SYNPR: variants seen among roughly 807,000 people sequenced by gnomAD.
SYNPR encodes the protein synaptoporin.
In SYNPR, 23 loss-of-function variants were observed where a neutral mutation model predicts 32.9. The observed-to-expected ratio is 0.70, with a 90% CI of 0.50 to 0.99. The LOEUF (loss-of-function observed/expected upper bound fraction) is 0.99. Ranked by LOEUF, SYNPR falls within the 50% of genes least tolerant of loss-of-function variation. The pLI, the probability that SYNPR is intolerant of heterozygous loss-of-function variation, is 0.00. For missense variants in SYNPR, 318 were observed against 349.3 expected (o/e 0.91, Z 0.71); for synonymous variants, 146 against 135.9 (o/e 1.07, Z -0.52).
At chr3:63,248,827 T>C (rs1209752207) in intron 1 of SYNPR, among the ~76,000 whole-genome samples, 1 of 152,178 alleles carries the variant, frequency 6.6e-6, no homozygotes, top group Non-Finnish European at 1.5e-5. Flanking sequence ...ATGGCTGCTA[T>C]CATGTGAGTA....
At chr3:63,363,004 C>CTG (rs2107037696) in intron 2 of SYNPR, among the ~76,000 whole-genome samples, 1 of 152,260 alleles carries the variant, frequency 6.6e-6, no homozygotes, top group East Asian at 1.9e-4. Flanking sequence ...GGAGACTGAA[C>CTG]TGTAGTAAGT....
intron 2 of SYNPR, among the ~76,000 whole-genome samples, chr3:63,253,972 G>T (rs1466459229): frequency 6.6e-6 from 1 of 152,162 alleles, no homozygotes; most frequent in Non-Finnish European, 1.5e-5. Context: ...ATACACCATG[G>T]AATACTATGA....
chr3:63,494,408 T>C (rs1295487427), intron 3 of SYNPR, among the ~76,000 whole-genome samples: 1 of 126,586 alleles, frequency 7.9e-6, no homozygotes, highest in Non-Finnish European at 1.6e-5. Flanking sequence ...TATATATATA[T>C]ATATATATAC....
chr3:63,579,642 T>C (rs1386838218), intron 4 of SYNPR, among the ~76,000 whole-genome samples: 7 of 152,138 alleles, frequency 4.6e-5, no homozygotes, highest in South Asian at 2.1e-4. Flanking sequence ...GCAAAGTGAA[T>C]GATCAATGAT....
intron 2 of SYNPR, among the ~76,000 whole-genome samples, chr3:63,475,874 G>T (rs1559510229): frequency 1.3e-5 from 2 of 151,928 alleles, no homozygotes; most frequent in African/African-American, 4.8e-5. Context: ...ACTTAGTTTT[G>T]CAGAACTGAG....
chr3:63,606,413 C>CTTACTTTTTTTTTTTTTT (rs1700120114), intron 4 of SYNPR, among the ~76,000 whole-genome samples: 1 of 63,458 alleles, frequency 1.6e-5, no homozygotes, highest in Non-Finnish European at 3.8e-5. Context: ...ACCTCAAATC[C>CTTACTTTTTTTTTTTTTT]TTTCTTTTTT....
chr3:63,562,330 T>C (rs1702705276), intron 4 of SYNPR, among the ~76,000 whole-genome samples: 1 of 152,196 alleles, frequency 6.6e-6, no homozygotes, highest in African/African-American at 2.4e-5. Context: ...GCTCTAAGAA[T>C]GAGTACATTA....
intron 2 of SYNPR, among the ~76,000 whole-genome samples, chr3:63,266,250 A>T (rs569315804): frequency 1.3e-5 from 2 of 150,052 alleles, no homozygotes; most frequent in Non-Finnish European, 3.0e-5. Context: ...TTCTTTTTCT[A>T]TTTTTTTTTT....
intron 1 of SYNPR, among the ~76,000 whole-genome samples, chr3:63,252,195 G>A (rs2086338683): frequency 6.6e-6 from 1 of 152,114 alleles, no homozygotes; most frequent in Non-Finnish European, 1.5e-5. Context: ...TGTTCTAAAT[G>A]TTTCAAGGAT....
chr3:63,545,802 T>C (rs1702392004), intron 3 of SYNPR, among the ~76,000 whole-genome samples: 1 of 152,104 alleles, frequency 6.6e-6, no homozygotes, highest in Non-Finnish European at 1.5e-5. Flanking sequence ...AAATAGCACG[T>C]TTTGACTGAA....
At chr3:63,431,747 G>GA (rs372434170) in intron 2 of SYNPR, among the ~76,000 whole-genome samples, 2,802 of 141,712 alleles carry the variant, frequency 0.02, 77 homozygotes, top group African/African-American at 0.065. Context: ...CAAACGAAAA[G>GA]AAAAAAAAAA....
chr3:63,315,747 T>C (rs1206342234), intron 2 of SYNPR, among the ~76,000 whole-genome samples: 3 of 152,036 alleles, frequency 2.0e-5, no homozygotes, highest in Non-Finnish European at 4.4e-5. Context: ...TCTTGTCTGA[T>C]TGCTCTGGCT....
chr3:63,204,245 G>C, the SYNPR span, among the ~76,000 whole-genome samples: 4 of 152,106 alleles, frequency 2.6e-5, no homozygotes, highest in South Asian at 2.1e-4. Flanking sequence ...CCAAAATCAA[G>C]ATGTTGGGAG....
intron 2 of SYNPR, among the ~76,000 whole-genome samples, chr3:63,358,522 G>A (rs1035639436): frequency 6.6e-6 from 1 of 151,966 alleles, no homozygotes; most frequent in Non-Finnish European, 1.5e-5. Flanking sequence ...AATCACATCG[G>A]CAAACTCAGT....
At chr3:63,289,270 T>G (rs1475564495) in intron 2 of SYNPR, 1 of 152,284 alleles carries the variant, frequency 6.6e-6, no homozygotes, top group African/African-American at 2.4e-5. Flanking sequence ...ATTGGAAGAA[T>G]GTTGATTGTG....
intron 2 of SYNPR, among the ~76,000 whole-genome samples, chr3:63,402,957 G>A (rs1358430876): frequency 1.3e-5 from 2 of 152,160 alleles, no homozygotes; most frequent in Non-Finnish European, 2.9e-5. Context: ...GGAACACTAA[G>A]GAAGCCTTTC....
In SYNPR at chr3:63,236,333, G is replaced by T. The variant is rs78867761; in HGVS notation, n.66+7953G>T. On this transcript the variant is annotated intron_variant and non_coding_transcript_variant, in intron 1 of 4. Transcript: ENST00000478456. ...TAATTCCTCCCACTATATTTTTTTTGATCAAGATACTTTCAACCATTTTAG... is the reference window on the plus strand; with the variant it reads ...TAATTCCTCCCACTATATTTTTTTTTATCAAGATACTTTCAACCATTTTAG... Among the ~76,000 whole-genome samples, 1,059 of 151,488 alleles carry T rather than the reference G, an allele frequency of 7.0e-3. 15 individuals are homozygous for T. The highest frequency in any genetic ancestry group is 0.023 in the African/African-American group (959 of 41,326).
At chr3:63,396,772 T>A (rs2088219667) in intron 2 of SYNPR, among the ~76,000 whole-genome samples, 1 of 152,146 alleles carries the variant, frequency 6.6e-6, no homozygotes, top group South Asian at 2.1e-4. Flanking sequence ...GCTTCTTGAG[T>A]ACTAGACAGA....
chr3:63,300,971 A>T (rs1247226305), intron 2 of SYNPR, among the ~76,000 whole-genome samples: 1 of 152,112 alleles, frequency 6.6e-6, no homozygotes, highest in Non-Finnish European at 1.5e-5. Flanking sequence ...AAAAAAAACC[A>T]TATTGGCAAA....
Sources: allele counts gnomAD v4.1 joint callset (sites outside exome capture counted in the v4.1 genomes callset), GRCh38; gene constraint gnomAD v4.1.1; transcripts MANE v1.5; gene names NCBI Gene and HGNC (gene_info 2026-07-23, HGNC 2026-07-21).